The following ARIH2 variants were observed in gnomAD, a reference collection of about 807,000 sequenced individuals.
ARIH2 encodes the protein E3 ubiquitin-protein ligase ARIH2.
In ARIH2, 12 loss-of-function variants were observed where a neutral mutation model predicts 79.8. The observed-to-expected ratio is 0.15, with a 90% CI of 0.10 to 0.24. ARIH2 has a LOEUF of 0.24. Among genes scored for constraint, ARIH2 ranks in the 10% least tolerant of loss-of-function variants. ARIH2 has a pLI of 1.00. For missense variants in ARIH2, 301 were observed against 618.3 expected (o/e 0.49, Z 5.44); for synonymous variants, 224 against 213.9 (o/e 1.05, Z -0.41).
intron 3 of ARIH2, among the ~76,000 whole-genome samples, chr3:48,936,640 C>T (rs1185005824): frequency 1.3e-5 from 2 of 150,762 alleles, no homozygotes; most frequent in Admixed American, 6.6e-5. Flanking sequence ...GGCTGAGGCA[C>T]GAGAATCGCT....
At chr3:48,919,179 G>A (rs2084364014) in intron 1 of ARIH2, 181 bp downstream of exon 1, 2 of 1,299,676 alleles carry the variant, frequency 1.5e-6, no homozygotes, top group Non-Finnish European at 1.9e-6. Context: ...GGCGCCCAGC[G>A]TGTGTCTGCC....
In ARIH2 at chr3:48,967,176, C is replaced by T. The variant is rs554254556; in HGVS notation, c.439C>T (p.Arg147Ter). Residue 147 changes from arginine to a stop codon, truncating the protein, a stop_gained, in exon 6 of 16, where the codon CGA becomes TGA. Transcript: ENST00000356401. LOFTEE classifies it high-confidence loss of function. Reference sequence around the variant, plus strand: ...CTGTGCAGTGTGTATGCAGTTTGTGCGAAAGGAAAACCTACTCTCTCTGGC... The same window carrying T: ...CTGTGCAGTGTGTATGCAGTTTGTGTGAAAGGAAAACCTACTCTCTCTGGC... ...HHCAVCMQFV[R>*]KENLLSLACQ... 3.1e-6 allele frequency: 5 copies of T among 1,614,020 alleles called. No homozygotes were observed. The highest frequency in any genetic ancestry group is 1.7e-5 in the Admixed American group (1 of 59,998).
intron 3 of ARIH2, among the ~76,000 whole-genome samples, chr3:48,952,991 G>T (rs950450193): frequency 6.6e-6 from 1 of 151,756 alleles, no homozygotes; most frequent in Non-Finnish European, 1.5e-5. Flanking sequence ...GTGCAGTGGC[G>T]CGATCTTGGC....
chr3:48,978,014 A>G (rs1278755646), intron 11 of ARIH2, among the ~76,000 whole-genome samples: 1 of 152,156 alleles, frequency 6.6e-6, no homozygotes, highest in Non-Finnish European at 1.5e-5. Flanking sequence ...TAGGCCAGAT[A>G]TAAAATCTAA....
intron 3 of ARIH2, among the ~76,000 whole-genome samples, chr3:48,941,515 G>A (rs2088217438): frequency 6.6e-6 from 1 of 152,044 alleles, no homozygotes; most frequent in Non-Finnish European, 1.5e-5. Flanking sequence ...GTGGTAAAAA[G>A]GAATGAGGTC....
Position 48,972,632 on chromosome 3 carries a change from G to A in ARIH2, c.771-1067G>A, listed in dbSNP as rs138827640. Among the ~76,000 whole-genome samples the A allele has an allele frequency of 7.8e-3, 1,189 of 152,184 alleles. 11 individuals carry two copies. The highest frequency in any genetic ancestry group is 0.027 in the African/African-American group (1,133 of 41,520). On this transcript the variant is annotated intron_variant, in intron 8 of 15. Coordinates refer to ENST00000356401, the MANE Select transcript of ARIH2 (RefSeq NM_006321.4). ...GCACTCCAGCCTGGGTGACAAGAGC[G>A]AAACTCCATTTCAGAAAAAAAATTG...
chr3:48,956,522 C>T (rs994339767), intron 3 of ARIH2, among the ~76,000 whole-genome samples: 1 of 130,822 alleles, frequency 7.6e-6, no homozygotes, highest in African/African-American at 2.9e-5. Flanking sequence ...GTGTTGAACT[C>T]CTGGGCTAAG....
At chr3:48,981,550 TATAGAGCTGGGCTA>T in intron 13 of ARIH2, 96 bp from the exon 14 acceptor site, 1 of 812,812 alleles carries the variant, frequency 1.2e-6, no homozygotes, top group Middle Eastern at 2.4e-4. Context: ...GGCCTATATC[TATAGAGCTGGGCTA>T]ATTTGCATGT....
intron 3 of ARIH2, among the ~76,000 whole-genome samples, chr3:48,941,978 C>T (rs1163419847): frequency 2.6e-5 from 4 of 151,898 alleles, no homozygotes; most frequent in African/African-American, 7.2e-5. Context: ...CTCCGCCCCC[C>T]GAGTTCAGGT....
In ARIH2 at chr3:48,979,467, C is replaced by G. The variant is rs1230339558; in HGVS notation, c.962-15C>G. ...GTCTTGTAGATGTAAATGACTCTTC[C>G]TCTGTTCTGCACAGACTTCTGCTGG... On this transcript the variant is annotated splice_polypyrimidine_tract_variant and intron_variant, in intron 11 of 15. Coordinates refer to ENST00000356401, the MANE Select transcript of ARIH2 (RefSeq NM_006321.4). 1.2e-6 allele frequency: 2 copies of G among 1,611,554 alleles called. No homozygotes were observed. Among genetic ancestry groups the G allele is most frequent in the East Asian group, 2.2e-5 (1 of 44,778 alleles).
In ARIH2 at chr3:48,927,618, T is replaced by C; in HGVS notation, c.60T>C (p.Asn20=). The change falls in exon 3 of 16, where the codon AAT becomes AAC. Residue 20 remains asparagine, a synonymous_variant. Coordinates refer to ENST00000356401, the MANE Select transcript of ARIH2 (RefSeq NM_006321.4). ...SDSNEEDYDP[N]CEEEEEEEED... ...GCAATGAAGAGGACTATGACCCAAATTGTGAGGAAGAGGAAGAAGAAGAAG... is the reference window on the plus strand; with the variant it reads ...GCAATGAAGAGGACTATGACCCAAACTGTGAGGAAGAGGAAGAAGAAGAAG... The C allele has an allele frequency of 1.9e-6, 3 of 1,613,716 alleles. No individual in the cohort carries two copies. The highest frequency in any genetic ancestry group is 2.5e-6 in the Non-Finnish European group (3 of 1,179,906).
rs148023417 is a variant in ARIH2 at position 48,977,070 on chromosome 3, C to T, written c.961+2091C>T. On this transcript the variant is annotated intron_variant, in intron 11 of 15. Coordinates refer to ENST00000356401, the MANE Select transcript of ARIH2 (RefSeq NM_006321.4). ...ATACAAAATTAGCCAGGCGCAATGG[C>T]GCACTCCTGTAGTCCCAGCTATTCG... Among the ~76,000 whole-genome samples, 127 of 152,016 alleles carry T rather than the reference C, an allele frequency of 8.4e-4. 2 individuals carry two copies. The East Asian group carries it at 0.022, about 26-fold the overall frequency.
intron 3 of ARIH2, among the ~76,000 whole-genome samples, chr3:48,954,147 C>G (rs561654833): frequency 6.6e-6 from 1 of 150,962 alleles, no homozygotes; most frequent in African/African-American, 2.4e-5. Flanking sequence ...GGGACAGGAG[C>G]GAGACTTTGT....
At chr3:48,976,930 G>A (rs575051996) in intron 11 of ARIH2, among the ~76,000 whole-genome samples, 1 of 151,950 alleles carries the variant, frequency 6.6e-6, no homozygotes, top group Non-Finnish European at 1.5e-5. Flanking sequence ...GCTGGGCGCG[G>A]TGGCTCACGC....
intron 6 of ARIH2, among the ~76,000 whole-genome samples, chr3:48,967,871 T>C (rs1428745340): frequency 1.3e-5 from 2 of 152,226 alleles, no homozygotes; most frequent in East Asian, 3.8e-4. Flanking sequence ...TTTAGTTTCA[T>C]TGCTGTGAAA....
At chr3:48,973,674 A>C in intron 8 of ARIH2, 25 bp from the exon 9 acceptor site, 1 of 1,562,420 alleles carries the variant, frequency 6.4e-7, no homozygotes, top group Non-Finnish European at 8.8e-7. Context: ...TGAATATTTG[A>C]ATGTTTTTCT....
chr3:48,975,194 T>A, intron 11 of ARIH2: 1 of 687,938 alleles, frequency 1.5e-6, no homozygotes, highest in Non-Finnish European at 2.4e-6. Context: ...CTAACACATA[T>A]AGTCAGAAGT....
At chr3:48,934,643 A>G (rs554438499) in intron 3 of ARIH2, 3 of 985,432 alleles carry the variant, frequency 3.0e-6, no homozygotes, top group East Asian at 2.3e-4. Context: ...CATGTTTCAC[A>G]GTGTTTTAGT....
intron 3 of ARIH2, among the ~76,000 whole-genome samples, chr3:48,958,758 T>C (rs2090905199): frequency 6.6e-6 from 1 of 151,886 alleles, no homozygotes; most frequent in Admixed American, 6.6e-5. Flanking sequence ...ACACCTGTAA[T>C]CTCAGCACTT....
Sources: gnomAD v4.1 joint callset for allele counts (sites outside exome capture counted in the v4.1 genomes callset) on GRCh38, gnomAD v4.1.1 for gene constraint, MANE v1.5 for transcripts, NCBI Gene and HGNC (gene_info 2026-07-23, HGNC 2026-07-21) for gene names.